THRAP3: variants seen among roughly 807,000 people sequenced by gnomAD.
THRAP3 encodes the protein thyroid hormone receptor associated protein 3, also known as thyroid hormone receptor-associated protein 3.
A neutral mutation model predicts 101.0 loss-of-function variants in THRAP3; 16 were observed. The ratio of observed to expected loss-of-function variants is 0.16; its 90% CI spans 0.11 to 0.24. The LOEUF (loss-of-function observed/expected upper bound fraction) is 0.24. THRAP3 is among the 10% of genes least tolerant of loss of function. THRAP3 has a pLI of 1.00. For missense variants in THRAP3, 989 were observed against 1,202.7 expected, an observed-to-expected ratio of 0.82 and a Z score of 2.63; for synonymous variants, 407 against 422.6, an observed-to-expected ratio of 0.96 and a Z score of 0.45.
intron 9 of THRAP3, among the ~76,000 whole-genome samples, chr1:36,299,131 G>A (rs1272199692): frequency 6.6e-6 from 1 of 151,326 alleles, no homozygotes; most frequent in African/African-American, 2.4e-5. Flanking sequence ...GACTTACCCA[G>A]GTGACACAGC....
intron 2 of THRAP3, among the ~76,000 whole-genome samples, chr1:36,269,551 T>C (rs1398387160): frequency 6.6e-6 from 1 of 152,138 alleles, no homozygotes; most frequent in Non-Finnish European, 1.5e-5. Flanking sequence ...TAGAATGTTA[T>C]TTGCTGTAAC....
In THRAP3 at chr1:36,267,804, G is replaced by A. The variant is rs1290783668; in HGVS notation, c.-32+8320G>A. Among the ~76,000 whole-genome samples the A allele has an allele frequency of 4.1e-5, 2 of 48,208 alleles. 1 individual carries two copies. The highest frequency in any genetic ancestry group is 1.3e-4 in the Non-Finnish European group (2 of 15,002). 31.6% of individuals were successfully genotyped at this position (48,208 alleles called of 152,430 possible). On this transcript the variant is annotated intron_variant, in intron 2 of 11. Coordinates refer to ENST00000354618, the MANE Select transcript of THRAP3 (RefSeq NM_005119.4). ...GAATACGGGGCATCCGGGGGCTTTC[G>A]GAGACTGAGTTCTGTTAGAAAAGGT...
At chr1:36,241,385 G>GTA (rs1166260923) in intron 1 of THRAP3, among the ~76,000 whole-genome samples, 317 of 8,480 alleles carry the variant, frequency 0.037, 1 homozygote, top group African/African-American at 0.046. Context: ...GATAATGGGT[G>GTA]TATATATATA....
At chr1:36,269,990 C>CT (rs1645567401) in intron 2 of THRAP3, among the ~76,000 whole-genome samples, 2 of 152,212 alleles carry the variant, frequency 1.3e-5, no homozygotes, top group African/African-American at 4.8e-5. Flanking sequence ...AGAATACAGT[C>CT]TGCCTGCAGA....
intron 2 of THRAP3, among the ~76,000 whole-genome samples, chr1:36,278,949 AAAT>A (rs1343162356): frequency 6.6e-6 from 1 of 151,946 alleles, no homozygotes; most frequent in African/African-American, 2.4e-5. Context: ...AATAAAAATA[AAAT>A]AAAATAAATA....
intron 1 of THRAP3, among the ~76,000 whole-genome samples, chr1:36,229,402 TTTTTTTTTTG>T (rs1343942527): frequency 0.016 from 616 of 39,480 alleles, 5 homozygotes; most frequent in South Asian, 0.13. Context: ...GGTCTACAGT[TTTTTTTTTTG>T]TTTTTTTTTT....
intron 2 of THRAP3, among the ~76,000 whole-genome samples, chr1:36,270,571 G>GTTTTTTTTTTTTTTTTTTTTTTT (rs532301363): frequency 3.1e-5 from 1 of 31,870 alleles, no homozygotes; most frequent in African/African-American, 7.1e-5. Flanking sequence ...ATTTGTTTAG[G>GTTTTTTTTTTTTTTTTTTTTTTT]TTTTTGTTTT....
At position 36,304,446 on chromosome 1, in the gene THRAP3, CTTTTTTTT is replaced by C. The variant is rs78206872; in HGVS notation, c.*439_*446del. The C allele has an allele frequency of 5.5e-6, 1 of 183,422 alleles. No individual in the cohort carries two copies. The highest frequency in any genetic ancestry group is 1.1e-5 in the Non-Finnish European group (1 of 92,746). The allele number at this position is 183,422 out of a possible 1,614,324, so 11.4% of individuals were successfully genotyped here. A position where few individuals can be genotyped will look rare whatever the true frequency, so the allele number is the denominator to read the frequency against. On this transcript the variant is annotated 3_prime_UTR_variant, in exon 12 of 12. Transcript: ENST00000354618. ...CTGTCCTGATTTTAAAAGCCCCCTC[CTTTTTTTT>C]TTTTTTTTTCTTTTTTTAGGCATAT...
chr1:36,301,344 AGGG>A (rs764129332), intron 10 of THRAP3, among the ~76,000 whole-genome samples: 1 of 152,194 alleles, frequency 6.6e-6, no homozygotes, highest in Non-Finnish European at 1.5e-5. Flanking sequence ...TGCTGTTTAT[AGGG>A]AGGCCCTTGG....
In THRAP3 at chr1:36,304,862, C is replaced by T. The variant is rs1463705414; in HGVS notation, c.*845C>T. On this transcript the variant is annotated 3_prime_UTR_variant, in exon 12 of 12. Coordinates refer to ENST00000354618, the MANE Select transcript of THRAP3 (RefSeq NM_005119.4). ...AGTGTCTGGTCTGTTTTCTAAGAAA[C>T]TTATGAATTCTATTATCTTTACAAA... 1 of 205,824 alleles carries T rather than the reference C, an allele frequency of 4.9e-6. No homozygotes were observed. Among genetic ancestry groups the T allele is most frequent in the Non-Finnish European group, 9.9e-6 (1 of 100,660 alleles). The allele number at this position is 205,824 out of a possible 1,614,324, so 12.7% of individuals were successfully genotyped here.
At position 36,292,688 on chromosome 1, in the gene THRAP3, A is replaced by G; in HGVS notation, c.2009A>G (p.Lys670Arg). Residue 670 changes from lysine to arginine, a missense_variant, in exon 7 of 12, where the codon AAG (lysine) becomes AGG (arginine). Lys to Arg is a conservative substitution (Grantham distance 26). Coordinates refer to ENST00000354618, the MANE Select transcript of THRAP3 (RefSeq NM_005119.4). ...RGTEQEAAKN[K>R]KSPEIHRRID... ...ACTGAGCAGGAGGCAGCCAAAAACA[A>G]GAAAAGCCCAGAGATACACAGGTAA... 2 of 1,613,684 alleles carry G rather than the reference A, an allele frequency of 1.2e-6. No homozygotes were observed. Among genetic ancestry groups the G allele is most frequent in the Non-Finnish European group, 1.7e-6 (2 of 1,179,772 alleles).
At chr1:36,240,466 T>G (rs1404033191) in intron 1 of THRAP3, among the ~76,000 whole-genome samples, 1 of 152,192 alleles carries the variant, frequency 6.6e-6, no homozygotes, top group Non-Finnish European at 1.5e-5. Flanking sequence ...CTTATCCCCA[T>G]TGTTTAGCTG....
upstream of THRAP3, among the ~76,000 whole-genome samples, chr1:36,223,740 A>G (rs1311098052): frequency 6.6e-6 from 1 of 152,184 alleles, no homozygotes; most frequent in Admixed American, 6.5e-5. Flanking sequence ...CCATTTTAAC[A>G]AACTTCCCAG....
intron 2 of THRAP3, among the ~76,000 whole-genome samples, chr1:36,275,731 A>G (rs570866080): frequency 2.0e-5 from 3 of 152,110 alleles, no homozygotes; most frequent in African/African-American, 7.2e-5. Context: ...ATGCAAAACA[A>G]CAAAGTTGGA....
At chr1:36,222,333 T>A (rs997736084), upstream of THRAP3, among the ~76,000 whole-genome samples, 3 of 152,242 alleles carry the variant, frequency 2.0e-5, no homozygotes, top group African/African-American at 7.2e-5. Flanking sequence ...GGACTAACCT[T>A]ACTGCAATCT....
Position 36,301,003 on chromosome 1 carries a change from G to A in THRAP3, c.2421G>A (p.Thr807=), listed in dbSNP as rs61739346. The change falls in exon 10 of 12, where the codon ACG becomes ACA. Residue 807 remains threonine (T), a synonymous_variant. Coordinates refer to ENST00000354618, the MANE Select transcript of THRAP3 (RefSeq NM_005119.4). ...CAGAGGAAAGAGAGGAGAGCACCACGGGCTTTGACAAATCAAGACTGGGGA... is the reference window on the plus strand; with the variant it reads ...CAGAGGAAAGAGAGGAGAGCACCACAGGCTTTGACAAATCAAGACTGGGGA... ...EETEEREEST[T]GFDKSRLGTK... The A allele has an allele frequency of 7.1e-3, 11,392 of 1,614,170 alleles. 75 individuals are homozygous for A. Among genetic ancestry groups the A allele is most frequent in the South Asian group, 0.017 (1,587 of 91,090 alleles).
In THRAP3 at chr1:36,282,523, C is replaced by T; in HGVS notation, c.-31-10C>T. On this transcript the variant is annotated splice_polypyrimidine_tract_variant and intron_variant, in intron 2 of 11. Transcript: ENST00000354618. ...TCACTCATTTGTTCTAATGCATTTT[C>T]TTACATTAGGTGTAATTGAAAAGTG... 1 of 1,590,000 alleles carries T rather than the reference C, an allele frequency of 6.3e-7. No individual in the cohort carries two copies. Among genetic ancestry groups the T allele is most frequent in the South Asian group, 1.1e-5 (1 of 90,202 alleles).
upstream of THRAP3, among the ~76,000 whole-genome samples, chr1:36,222,659 C>T (rs567992380): frequency 2.9e-4 from 44 of 152,126 alleles, no homozygotes; most frequent in African/African-American, 1.0e-3. Flanking sequence ...CTGCCCGCCT[C>T]GGTTCTCCCA....
At chr1:36,280,917 CTT>C (rs1225085153) in intron 2 of THRAP3, among the ~76,000 whole-genome samples, 2 of 150,870 alleles carry the variant, frequency 1.3e-5, no homozygotes, top group Non-Finnish European at 3.0e-5. Context: ...AAAGTTGACT[CTT>C]TATTTTTATT....
Sources: allele counts gnomAD v4.1 joint callset (sites outside exome capture counted in the v4.1 genomes callset), GRCh38; gene constraint gnomAD v4.1.1; transcripts MANE v1.5; gene names NCBI Gene and HGNC (gene_info 2026-07-23, HGNC 2026-07-21).